The following LRRC4C variants were observed in gnomAD, a reference collection of about 807,000 sequenced individuals.
The protein encoded by LRRC4C is leucine-rich repeat-containing protein 4C.
In LRRC4C, 5 loss-of-function variants were observed where a neutral mutation model predicts 33.6. The observed-to-expected ratio is 0.15, with a 90% confidence interval of 0.08 to 0.31. LRRC4C has a LOEUF of 0.31. Among genes scored for constraint, LRRC4C ranks in the 10% least tolerant of loss-of-function variants. The pLI is 1.00. For synonymous variants in LRRC4C, 329 were observed against 302.0 expected, an observed-to-expected ratio of 1.09 and a Z score of -0.93; for missense variants, 560 against 796.7, an observed-to-expected ratio of 0.70 and a Z score of 3.58.
chr11:40,629,528 T>C (rs1963271553), intron 3 of LRRC4C, among the ~76,000 whole-genome samples: 1 of 152,218 alleles, frequency 6.6e-6, no homozygotes, highest in Admixed American at 6.5e-5. Context: ...ATAAACAGAA[T>C]GCTAATCACA....
At chr11:41,405,197 T>A (rs761071785) in intron 1 of LRRC4C, among the ~76,000 whole-genome samples, 2 of 152,042 alleles carry the variant, frequency 1.3e-5, no homozygotes, top group Non-Finnish European at 2.9e-5. Context: ...ACCAAGAAGG[T>A]GACATTTAAA....
chr11:40,921,313 G>A (rs1335253654), intron 2 of LRRC4C, among the ~76,000 whole-genome samples: 2 of 152,156 alleles, frequency 1.3e-5, no homozygotes, highest in African/African-American at 4.8e-5. Context: ...AAACAGAAAA[G>A]TAACTAAATC....
intron 1 of LRRC4C, among the ~76,000 whole-genome samples, chr11:41,455,324 G>A (rs1956143064): frequency 6.6e-6 from 1 of 151,944 alleles, no homozygotes; most frequent in African/African-American, 2.4e-5. Context: ...GGGAAGTCAA[G>A]TTTTTCTTAC....
At chr11:40,335,720 G>A (rs776703139) in intron 3 of LRRC4C, among the ~76,000 whole-genome samples, 20 of 152,168 alleles carry the variant, frequency 1.3e-4, no homozygotes, top group Admixed American at 7.9e-4. Context: ...TGCCTATCTC[G>A]AAGAGAATGG....
chr11:40,235,401 T>C (rs1246084893), intron 5 of LRRC4C, among the ~76,000 whole-genome samples: 2 of 152,210 alleles, frequency 1.3e-5, no homozygotes, highest in South Asian at 2.1e-4. Context: ...GAAACTATCA[T>C]ACTTCCTCTC....
intron 2 of LRRC4C, among the ~76,000 whole-genome samples, chr11:40,675,211 G>A (rs998505464): frequency 7.9e-5 from 12 of 151,960 alleles, no homozygotes; most frequent in Admixed American, 5.9e-4. Context: ...TAGGTGGGGC[G>A]GAAAAGCCAA....
intron 2 of LRRC4C, among the ~76,000 whole-genome samples, chr11:40,803,939 A>G (rs913965164): frequency 2.0e-5 from 3 of 152,176 alleles, no homozygotes; most frequent in African/African-American, 7.2e-5. Context: ...ACTTTTTTAG[A>G]TATTTTTAAA....
Position 40,305,915 on chromosome 11 carries a change from G to C in LRRC4C, c.-176+13713C>G, listed in dbSNP as rs544325721. On this transcript the variant is annotated intron_variant, in intron 4 of 6. Coordinates refer to ENST00000528697, the MANE Select transcript of LRRC4C (RefSeq NM_001258419.2). ...GTCATATTTGCTGTTATTAATAAATGTATGATACCAAGTTGTGCGTTACTA... is the reference window on the plus strand; with the variant it reads ...GTCATATTTGCTGTTATTAATAAATCTATGATACCAAGTTGTGCGTTACTA... Among the ~76,000 whole-genome samples, 68 of 152,316 alleles carry C rather than the reference G, an allele frequency of 4.5e-4. 1 individual carries two copies. The South Asian group carries it at 0.013, about 30-fold the overall frequency.
chr11:41,306,216 G>A lies in LRRC4C; in HGVS notation c.-496+153215C>T, dbSNP rs117514123. On this transcript the variant is annotated intron_variant, in intron 1 of 6. Coordinates refer to ENST00000528697, the MANE Select transcript of LRRC4C (RefSeq NM_001258419.2). ...CTTGTCTGGATTTCCAGAGCACTTT[G>A]TTTCTCTCTCTTTTATAACATACAA... 7.2e-5 allele frequency among the ~76,000 whole-genome samples: 11 copies of A among 152,146 alleles called. No homozygotes were observed. In the East Asian group the frequency reaches 1.9e-3, roughly 27 times the overall value.
rs71466928 is a variant in LRRC4C at position 41,325,577 on chromosome 11, T to TTGTGTG, written c.-496+133848_-496+133853dup. ...TTATTGTCCTTATAGTTTTTTTTTT[T>TTGTGTG]TGTGTGTGTGTGTGTGTGTGTGTGT... On this transcript the variant is annotated intron_variant, in intron 1 of 6. Coordinates refer to ENST00000528697, the MANE Select transcript of LRRC4C (RefSeq NM_001258419.2). Among the ~76,000 whole-genome samples, 690 of 104,102 alleles carry TTGTGTG rather than the reference T, an allele frequency of 6.6e-3. 14 individuals are homozygous for TTGTGTG. The highest frequency in any genetic ancestry group is 0.023 in the African/African-American group (673 of 29,226). The allele number at this position is 104,102 out of a possible 152,430, so 68.3% of individuals were successfully genotyped here. A position where few individuals can be genotyped will look rare whatever the true frequency, so the allele number is the denominator to read the frequency against.
At chr11:40,817,608 TCTC>T (rs1591798156) in intron 2 of LRRC4C, among the ~76,000 whole-genome samples, 1 of 152,240 alleles carries the variant, frequency 6.6e-6, no homozygotes, top group South Asian at 2.1e-4. Flanking sequence ...TTTTGCTTCT[TCTC>T]CTGCTCTCTT....
At chr11:40,791,900 A>C (rs1219306887) in intron 2 of LRRC4C, among the ~76,000 whole-genome samples, 1 of 152,160 alleles carries the variant, frequency 6.6e-6, no homozygotes, top group African/African-American at 2.4e-5. Context: ...AGGCTATGCA[A>C]ACCCATGAGT....
chr11:41,260,659 G>A lies in LRRC4C; in HGVS notation c.-496+198772C>T, dbSNP rs182132396. ...TAAAATAGTTTTTCTTTTCTTGAAG[G>A]TAATAAGCCACAAGGAAAAAGATAA... On this transcript the variant is annotated intron_variant, in intron 1 of 6. Coordinates refer to ENST00000528697, the MANE Select transcript of LRRC4C (RefSeq NM_001258419.2). Among the ~76,000 whole-genome samples, 15 of 151,910 alleles carry A rather than the reference G, an allele frequency of 9.9e-5. No homozygotes were observed. In the East Asian group the frequency reaches 2.1e-3, roughly 22 times the overall value.
At chr11:40,336,321 G>GA (rs1228640090) in intron 3 of LRRC4C, among the ~76,000 whole-genome samples, 1 of 152,092 alleles carries the variant, frequency 6.6e-6, no homozygotes, top group African/African-American at 2.4e-5. Flanking sequence ...GAGTGTGAAA[G>GA]AAAGTGATGT....
At chr11:40,176,158 G>A (rs1860466191) in intron 5 of LRRC4C, among the ~76,000 whole-genome samples, 1 of 152,140 alleles carries the variant, frequency 6.6e-6, no homozygotes, top group Non-Finnish European at 1.5e-5. Context: ...GGTTATTTCA[G>A]TAAGGAGAAT....
At chr11:40,793,645 G>C (rs1721592640) in intron 2 of LRRC4C, among the ~76,000 whole-genome samples, 1 of 152,166 alleles carries the variant, frequency 6.6e-6, no homozygotes, top group South Asian at 2.1e-4. Flanking sequence ...TTTATTCTTA[G>C]GAAGTGACAG....
chr11:40,200,090 C>G (rs1390593308), intron 5 of LRRC4C, among the ~76,000 whole-genome samples: 1 of 143,590 alleles, frequency 7.0e-6, no homozygotes, highest in East Asian at 2.1e-4. Context: ...TGCCTGTAAT[C>G]CCAGCGCTTT....
chr11:40,915,182 T>C (rs2136306592), intron 2 of LRRC4C, among the ~76,000 whole-genome samples: 1 of 152,138 alleles, frequency 6.6e-6, no homozygotes, highest in South Asian at 2.1e-4. Context: ...CTTCACAGAA[T>C]TGGAAAAAAC....
intron 1 of LRRC4C, among the ~76,000 whole-genome samples, chr11:41,249,039 CT>C (rs1454339736): frequency 1.4e-3 from 206 of 144,812 alleles, no homozygotes; most frequent in Admixed American, 1.5e-3. Context: ...ATACTGTCTT[CT>C]TTTTTTTTTT....
Sources: allele counts gnomAD v4.1 joint callset (sites outside exome capture counted in the v4.1 genomes callset), GRCh38; gene constraint gnomAD v4.1.1; transcripts MANE v1.5; gene names NCBI Gene and HGNC (gene_info 2026-07-23, HGNC 2026-07-21).